The following SPOCK3 variants were observed in gnomAD, a reference collection of about 807,000 sequenced individuals.
SPOCK3 encodes the protein SPARC (osteonectin), cwcv and kazal like domains proteoglycan 3.
In SPOCK3, 30 loss-of-function variants were observed where a neutral mutation model predicts 56.6. The observed-to-expected ratio is 0.53, with a 90% CI of 0.40 to 0.72. SPOCK3 has a LOEUF of 0.72. Ranked by LOEUF, SPOCK3 falls within the 30% of genes least tolerant of loss-of-function variation. SPOCK3 has a pLI of 0.00. For missense variants in SPOCK3, 527 were observed against 530.0 expected (o/e 0.99, Z 0.06); for synonymous variants, 196 against 183.3 (o/e 1.07, Z -0.56).
intron 6 of SPOCK3, among the ~76,000 whole-genome samples, chr4:166,808,092 G>T (rs943258064): frequency 1.3e-5 from 2 of 152,122 alleles, no homozygotes; most frequent in African/African-American, 4.8e-5. Context: ...AAAAAGCACA[G>T]TCATAGCATT....
chr4:167,187,653 T>C (rs943078318), intron 2 of SPOCK3, among the ~76,000 whole-genome samples: 1 of 152,120 alleles, frequency 6.6e-6, no homozygotes, highest in South Asian at 2.1e-4. Context: ...AATACTATTA[T>C]ATTAATTTTT....
intron 4 of SPOCK3, among the ~76,000 whole-genome samples, chr4:166,914,153 C>T (rs933213942): frequency 6.6e-6 from 1 of 151,688 alleles, no homozygotes; most frequent in Admixed American, 6.6e-5. Context: ...ATTTGCTCTT[C>T]AGATACATTA....
chr4:166,800,175 C>T (rs1370743105), intron 6 of SPOCK3, among the ~76,000 whole-genome samples: 2 of 78,022 alleles, frequency 2.6e-5, no homozygotes, highest in Non-Finnish European at 4.3e-5. Context: ...GAGAGAGACT[C>T]CATCTCAGAA....
chr4:167,020,771 T>C (rs1034526936), intron 3 of SPOCK3, among the ~76,000 whole-genome samples: 1 of 152,026 alleles, frequency 6.6e-6, no homozygotes, highest in African/African-American at 2.4e-5. Flanking sequence ...ATTTTTTCCA[T>C]GAAATAACCA....
intron 4 of SPOCK3, among the ~76,000 whole-genome samples, chr4:166,957,725 C>T (rs1023394681): frequency 6.6e-6 from 1 of 152,172 alleles, no homozygotes; most frequent in African/African-American, 2.4e-5. Flanking sequence ...GGTTTAATGA[C>T]TAACCTGCGG....
At chr4:167,160,314 C>A (rs1335467624) in intron 2 of SPOCK3, among the ~76,000 whole-genome samples, 1 of 152,058 alleles carries the variant, frequency 6.6e-6, no homozygotes, top group Non-Finnish European at 1.5e-5. Flanking sequence ...GAAGAAAATA[C>A]CTAGGAATCC....
chr4:166,838,383 C>T (rs1013553586), intron 6 of SPOCK3, among the ~76,000 whole-genome samples: 1 of 152,042 alleles, frequency 6.6e-6, no homozygotes, highest in Non-Finnish European at 1.5e-5. Context: ...TTTATTTACT[C>T]TGTGTTGCTT....
At chr4:166,920,953 G>C (rs1738415243) in intron 4 of SPOCK3, among the ~76,000 whole-genome samples, 1 of 152,098 alleles carries the variant, frequency 6.6e-6, no homozygotes, top group African/African-American at 2.4e-5. Context: ...ACCATCCAAA[G>C]TTCAGGGAGA....
At chr4:167,043,912 T>C (rs543529528) in intron 3 of SPOCK3, among the ~76,000 whole-genome samples, 4 of 152,142 alleles carry the variant, frequency 2.6e-5, no homozygotes, top group South Asian at 2.1e-4. Context: ...CTTTTCTTTG[T>C]AATGTGTTTG....
Position 167,058,195 on chromosome 4 carries a change from A to G in SPOCK3, c.235+4297T>C, listed in dbSNP as rs1755127098. ...AAATAAAGGGTATTCAATTAGGAAA[A>G]GAGGAAGTCAAATTGTCCCTGTTTG... is the stretch of plus-strand genomic sequence containing the variant. On this transcript the variant is annotated intron_variant, in intron 3 of 10. Coordinates refer to ENST00000357545, the MANE Select transcript of SPOCK3 (RefSeq NM_001040159.2). Among the ~76,000 whole-genome samples the G allele has an allele frequency of 2.0e-5, 3 of 152,304 alleles. No individual in the cohort carries two copies. In the South Asian group the frequency reaches 6.2e-4, roughly 32 times the overall value.
intron 7 of SPOCK3, among the ~76,000 whole-genome samples, chr4:166,767,477 GTTTCCA>G (rs1738254877): frequency 6.6e-6 from 1 of 152,130 alleles, no homozygotes; most frequent in East Asian, 1.9e-4. Context: ...AGGTTGTTCA[GTTTCCA>G]TGTAGTTGAG....
intron 2 of SPOCK3, among the ~76,000 whole-genome samples, chr4:167,183,515 CAT>C (rs1347488065): frequency 1.3e-5 from 2 of 151,838 alleles, no homozygotes; most frequent in African/African-American, 2.4e-5. Flanking sequence ...TTCTTAAAGA[CAT>C]ATGAATAAAA....
At chr4:166,754,179 G>A in intron 8 of SPOCK3, 1 of 1,032,474 alleles carries the variant, frequency 9.7e-7, no homozygotes, top group Non-Finnish European at 1.2e-6. Context: ...TGTGGGCAAA[G>A]CAGATAGCAA....
chr4:166,891,656 T>C (rs557404680), intron 5 of SPOCK3, among the ~76,000 whole-genome samples: 26 of 152,100 alleles, frequency 1.7e-4, no homozygotes, highest in African/African-American at 6.3e-4. Context: ...TATTCGAAGG[T>C]AGACATAAAT....
intron 7 of SPOCK3, among the ~76,000 whole-genome samples, chr4:166,788,915 A>C (rs1741032951): frequency 6.6e-6 from 1 of 152,116 alleles, no homozygotes; most frequent in Non-Finnish European, 1.5e-5. Flanking sequence ...TAAGATTTTT[A>C]ACAATAGTAT....
chr4:166,838,264 CT>C (rs1439276856), intron 6 of SPOCK3, among the ~76,000 whole-genome samples: 1 of 152,232 alleles, frequency 6.6e-6, no homozygotes, highest in East Asian at 1.9e-4. Context: ...TTCAGCTCCA[CT>C]TGGTTTTCCT....
intron 3 of SPOCK3, among the ~76,000 whole-genome samples, chr4:167,009,748 C>T (rs774956600): frequency 2.0e-5 from 3 of 151,968 alleles, no homozygotes; most frequent in Non-Finnish European, 2.9e-5. Context: ...ATTTAATCCA[C>T]TCAAAAACTA....
intron 6 of SPOCK3, among the ~76,000 whole-genome samples, chr4:166,821,626 C>G (rs1040420255): frequency 3.3e-5 from 5 of 151,916 alleles, no homozygotes; most frequent in African/African-American, 1.2e-4. Flanking sequence ...GTACTGAAAC[C>G]TGCTACAACA....
At chr4:167,066,004 C>A (rs963917822) in intron 2 of SPOCK3, among the ~76,000 whole-genome samples, 1 of 151,770 alleles carries the variant, frequency 6.6e-6, no homozygotes, top group Non-Finnish European at 1.5e-5. Context: ...TTACAGACAC[C>A]ATTAGAATTT....
Sources: allele counts gnomAD v4.1 joint callset (sites outside exome capture counted in the v4.1 genomes callset), GRCh38; gene constraint gnomAD v4.1.1; transcripts MANE v1.5; gene names NCBI Gene and HGNC (gene_info 2026-07-23, HGNC 2026-07-21).